Variants in AGBL4 observed in about 807,000 individuals in gnomAD.
AGBL4 encodes the protein AGBL carboxypeptidase 4.
In AGBL4, 58 loss-of-function variants were observed where a neutral mutation model predicts 66.4. The observed-to-expected ratio is 0.87, with a 90% confidence interval of 0.71 to 1.09. The LOEUF is 1.09. Among genes scored for constraint, AGBL4 ranks in the 50% least tolerant of loss-of-function variants. The pLI, the probability that AGBL4 is intolerant of heterozygous loss-of-function variation, is 0.00. For missense variants in AGBL4, 579 were observed against 631.0 expected, an observed-to-expected ratio of 0.92 and a Z score of 0.88; for synonymous variants, 234 against 222.9, an observed-to-expected ratio of 1.05 and a Z score of -0.44.
intron 3 of AGBL4, among the ~76,000 whole-genome samples, chr1:49,575,062 T>C (rs758882560): frequency 6.6e-6 from 1 of 152,114 alleles, no homozygotes; most frequent in Non-Finnish European, 1.5e-5. Flanking sequence ...GCAGTGAATC[T>C]TTCTCCCATC....
At chr1:48,809,879 C>T (rs925019622) in intron 6 of AGBL4, among the ~76,000 whole-genome samples, 1 of 152,182 alleles carries the variant, frequency 6.6e-6, no homozygotes, top group African/African-American at 2.4e-5. Context: ...AATTCACTTC[C>T]TCCTTCCTCA....
Position 49,364,022 on chromosome 1 carries a change from A to G in AGBL4, c.283-118158T>C, listed in dbSNP as rs144434906. On this transcript the variant is annotated intron_variant, in intron 3 of 13. Transcript: ENST00000371839. ...TGGAGGCTGTGATGCCTCAGATTGAATTCTCAATGACAAGTCAATCTGTGT... is the reference window on the plus strand; with the variant it reads ...TGGAGGCTGTGATGCCTCAGATTGAGTTCTCAATGACAAGTCAATCTGTGT... Among the ~76,000 whole-genome samples the G allele has an allele frequency of 2.4e-4, 36 of 152,330 alleles. 1 individual carries two copies. Among genetic ancestry groups the G allele is most frequent in the African/African-American group, 8.4e-4 (35 of 41,574 alleles).
chr1:48,674,000 G>C (rs1646321018), intron 6 of AGBL4, among the ~76,000 whole-genome samples: 4 of 152,130 alleles, frequency 2.6e-5, no homozygotes, highest in Admixed American at 2.6e-4. Flanking sequence ...CAGTCCTGCA[G>C]CGGCTTCCCC....
chr1:49,689,901 T>A (rs1271421313), intron 3 of AGBL4, among the ~76,000 whole-genome samples: 1 of 152,164 alleles, frequency 6.6e-6, no homozygotes, highest in Non-Finnish European at 1.5e-5. Flanking sequence ...CTACTGTGAG[T>A]AAAATGCTAT....
intron 5 of AGBL4, among the ~76,000 whole-genome samples, chr1:48,960,464 CAT>C (rs1341056284): frequency 1.3e-5 from 2 of 152,128 alleles, no homozygotes; most frequent in Non-Finnish European, 2.9e-5. Context: ...CATCAGCTAA[CAT>C]ATGGTATTTT....
At chr1:49,875,740 C>G (rs1351219698) in intron 1 of AGBL4, among the ~76,000 whole-genome samples, 55 of 122,108 alleles carry the variant, frequency 4.5e-4, no homozygotes, top group African/African-American at 1.7e-3. Flanking sequence ...ACACTGACTT[C>G]CACAATGGTT....
chr1:49,838,538 T>C (rs962567145), intron 2 of AGBL4, among the ~76,000 whole-genome samples: 1 of 152,222 alleles, frequency 6.6e-6, no homozygotes, highest in South Asian at 2.1e-4. Flanking sequence ...AACCTTCAGA[T>C]GCCAACTCAA....
intron 5 of AGBL4, among the ~76,000 whole-genome samples, chr1:48,884,298 G>T (rs200900131): frequency 5.1e-5 from 5 of 98,280 alleles, no homozygotes; most frequent in Admixed American, 1.0e-4. Context: ...TTGTTTGTTT[G>T]TTTTTTTGTT....
intron 1 of AGBL4, among the ~76,000 whole-genome samples, chr1:49,938,861 G>T (rs1402473332): frequency 5.3e-5 from 8 of 152,026 alleles, no homozygotes; most frequent in Non-Finnish European, 2.9e-5. Context: ...GGGCAATTAG[G>T]CAGGAGAAGG....
chr1:48,617,351 C>T (rs1011528236), intron 9 of AGBL4, among the ~76,000 whole-genome samples: 33 of 152,160 alleles, frequency 2.2e-4, no homozygotes, highest in African/African-American at 7.7e-4. Context: ...GAGGTCTAAA[C>T]ACTGGTGCTG....
At chr1:48,958,579 A>C (rs901620095) in intron 5 of AGBL4, among the ~76,000 whole-genome samples, 1 of 152,236 alleles carries the variant, frequency 6.6e-6, no homozygotes, top group Non-Finnish European at 1.5e-5. Flanking sequence ...TACAATCTTT[A>C]CAGCAAGGGA....
intron 9 of AGBL4, among the ~76,000 whole-genome samples, chr1:48,601,342 T>C (rs12127450): frequency 0.13 from 20,087 of 152,250 alleles, 1,488 homozygotes; most frequent in Middle Eastern, 0.18. Context: ...TACCAAAATG[T>C]GTGACAGCTT....
At chr1:49,540,251 A>G (rs1397091464) in intron 3 of AGBL4, among the ~76,000 whole-genome samples, 1 of 152,178 alleles carries the variant, frequency 6.6e-6, no homozygotes. Context: ...GCCAATCTTT[A>G]AATATATCTT....
At chr1:48,997,009 A>G (rs188097171) in intron 5 of AGBL4, among the ~76,000 whole-genome samples, 229 of 152,198 alleles carry the variant, frequency 1.5e-3, no homozygotes, top group Non-Finnish European at 2.5e-3. Flanking sequence ...TACAACCTCC[A>G]CCTCAGGGGT....
chr1:49,593,271 G>A (rs752538134), intron 3 of AGBL4, among the ~76,000 whole-genome samples: 1 of 152,098 alleles, frequency 6.6e-6, no homozygotes, highest in African/African-American at 2.4e-5. Flanking sequence ...GCCGGGTGTG[G>A]TGGCAGGCGC....
At chr1:48,559,189 G>A (rs942748792) in intron 11 of AGBL4, among the ~76,000 whole-genome samples, 10 of 152,302 alleles carry the variant, frequency 6.6e-5, no homozygotes, top group Admixed American at 1.3e-4. Flanking sequence ...CAGAACTGCT[G>A]ATGGCTGTCC....
intron 3 of AGBL4, among the ~76,000 whole-genome samples, chr1:49,491,735 A>G (rs1443469855): frequency 6.6e-6 from 1 of 151,860 alleles, no homozygotes; most frequent in East Asian, 1.9e-4. Flanking sequence ...TGAGCAACTT[A>G]TATGTGGGAC....
chr1:48,842,779 G>A (rs1646833505), intron 6 of AGBL4, among the ~76,000 whole-genome samples: 2 of 152,120 alleles, frequency 1.3e-5, no homozygotes. Context: ...AATTTCCATC[G>A]AGGGATGAAT....
intron 3 of AGBL4, among the ~76,000 whole-genome samples, chr1:49,638,210 T>C (rs1645714878): frequency 1.3e-5 from 2 of 152,186 alleles, no homozygotes; most frequent in Non-Finnish European, 2.9e-5. Flanking sequence ...TAGTTACTCT[T>C]TTACCTCAGT....
Sources: allele counts gnomAD v4.1 joint callset (sites outside exome capture counted in the v4.1 genomes callset), GRCh38; gene constraint gnomAD v4.1.1; transcripts MANE v1.5; gene names NCBI Gene and HGNC (gene_info 2026-07-23, HGNC 2026-07-21).